ESCO1: variants seen among roughly 807,000 people sequenced by gnomAD.
The protein encoded by ESCO1 is establishment of sister chromatid cohesion N-acetyltransferase 1, also known as N-acetyltransferase ESCO1.
A neutral mutation model predicts 83.5 loss-of-function variants in ESCO1; 33 were observed. That is an observed-to-expected ratio of 0.40 (90% CI 0.30 to 0.53). The LOEUF (loss-of-function observed/expected upper bound fraction) is 0.53. Among genes scored for constraint, ESCO1 ranks in the 20% least tolerant of loss-of-function variants. ESCO1 has a pLI of 0.63. For missense variants in ESCO1, 855 were observed against 968.0 expected (o/e 0.88, Z 1.55); for synonymous variants, 332 against 324.3 (o/e 1.02, Z -0.25).
At chr18:21,544,462 A>T (rs947321173) in intron 8 of ESCO1, among the ~76,000 whole-genome samples, 1 of 148,600 alleles carries the variant, frequency 6.7e-6, no homozygotes, top group Non-Finnish European at 1.5e-5. Context: ...CAAAAAAAAA[A>T]CAAAAAAAAA....
intron 8 of ESCO1, among the ~76,000 whole-genome samples, chr18:21,556,185 T>C (rs2038110387): frequency 6.6e-6 from 1 of 152,100 alleles, no homozygotes; most frequent in Non-Finnish European, 1.5e-5. Context: ...GCCCAGGAGT[T>C]TGAGGCTACA....
chr18:21,573,450 A>G lies in ESCO1; in HGVS notation c.1394T>C (p.Ile465Thr), dbSNP rs1288487369. ...MKEINSEEVK[I>T]NDITVEINKT... ...ATTAATTTCTACTGTAATATCATTAATTTTCACTTCTTCAGAATTAATTTC... is the reference window on the plus strand; with the variant it reads ...ATTAATTTCTACTGTAATATCATTAGTTTTCACTTCTTCAGAATTAATTTC... Residue 465 changes from isoleucine (I) to threonine (T), a missense_variant, in exon 4 of 12, where the codon ATT becomes ACT. Transcript: ENST00000269214. 1.9e-6 allele frequency: 3 copies of G among 1,612,148 alleles called. No individual in the cohort carries two copies. The Admixed American group carries it at 5.0e-5, about 27-fold the overall frequency.
In ESCO1 at chr18:21,530,293, A is replaced by G; in HGVS notation, c.*50T>C. 6.9e-7 allele frequency: 1 copy of G among 1,449,356 alleles called. No individual in the cohort carries two copies. Among genetic ancestry groups the G allele is most frequent in the Non-Finnish European group, 9.1e-7 (1 of 1,095,496 alleles). The allele number at this position is 1,449,356 out of a possible 1,614,324, so 89.8% of individuals were successfully genotyped here. A position where few individuals can be genotyped will look rare whatever the true frequency, so the allele number is the denominator to read the frequency against. ...AGTTCCTGGTTAAAGTCAGCAACCA[A>G]TCCATTCTCTTCAATAGATGTCTTC... On this transcript the variant is annotated 3_prime_UTR_variant, in exon 12 of 12. Coordinates refer to ENST00000269214, the MANE Select transcript of ESCO1 (RefSeq NM_052911.3).
chr18:21,570,745 G>A (rs185156896), intron 4 of ESCO1, among the ~76,000 whole-genome samples: 7 of 151,878 alleles, frequency 4.6e-5, no homozygotes, highest in East Asian at 1.9e-4. Flanking sequence ...TTGGGAGGCC[G>A]AGTTGGGAGG....
chr18:21,536,905 C>A (rs1282680458), intron 9 of ESCO1, among the ~76,000 whole-genome samples: 1 of 152,162 alleles, frequency 6.6e-6, no homozygotes, highest in Non-Finnish European at 1.5e-5. Flanking sequence ...AGAAAAGGAA[C>A]TCATGTTTAC....
At chr18:21,534,862 G>C (rs1488736289) in intron 10 of ESCO1, among the ~76,000 whole-genome samples, 1 of 151,832 alleles carries the variant, frequency 6.6e-6, no homozygotes, top group Admixed American at 6.6e-5. Flanking sequence ...CTGACCTTCT[G>C]ATCTGCCCGC....
chr18:21,588,229 C>A (rs2038610632), intron 1 of ESCO1, among the ~76,000 whole-genome samples: 1 of 151,778 alleles, frequency 6.6e-6, no homozygotes, highest in Non-Finnish European at 1.5e-5. Context: ...TGGAAAAGAT[C>A]AATGACACAA....
intron 8 of ESCO1, among the ~76,000 whole-genome samples, chr18:21,553,305 T>C (rs2038067617): frequency 6.6e-6 from 1 of 151,890 alleles, no homozygotes; most frequent in African/African-American, 2.4e-5. Flanking sequence ...AGAAAAAGTG[T>C]ATAATTAAAA....
At chr18:21,575,481 T>G (rs2038407478) in intron 3 of ESCO1, 51 bp from the exon 4 acceptor site, 2 of 398,214 alleles carry the variant, frequency 5.0e-6, no homozygotes, top group Non-Finnish European at 8.9e-6. Context: ...ATGAAATATG[T>G]CAATGCTAAT....
chr18:21,581,138 C>T (rs1006260475), intron 2 of ESCO1, among the ~76,000 whole-genome samples: 6 of 152,028 alleles, frequency 3.9e-5, no homozygotes, highest in East Asian at 1.9e-4. Context: ...TGGTGAAACC[C>T]GGTATCTACT....
At chr18:21,566,080 G>T in intron 6 of ESCO1, 66 bp downstream of exon 6, 1 of 1,428,634 alleles carries the variant, frequency 7.0e-7, no homozygotes, top group Non-Finnish European at 9.7e-7. Flanking sequence ...TTTTAGGGAA[G>T]AATCCCCTAA....
At chr18:21,554,564 C>T (rs954050690) in intron 8 of ESCO1, among the ~76,000 whole-genome samples, 2 of 152,070 alleles carry the variant, frequency 1.3e-5, no homozygotes, top group African/African-American at 4.8e-5. Flanking sequence ...GTCAGGAGTT[C>T]AAGACCAGCC....
Position 21,574,945 on chromosome 18 carries a change from C to A in ESCO1, c.-102G>T. 1 of 899,110 alleles carries A rather than the reference C, an allele frequency of 1.1e-6. No individual in the cohort carries two copies. Among genetic ancestry groups the A allele is most frequent in the Non-Finnish European group, 1.6e-6 (1 of 619,482 alleles). The allele number at this position is 899,110 out of a possible 1,614,324, so 55.7% of individuals were successfully genotyped here. On this transcript the variant is annotated 5_prime_UTR_variant, in exon 4 of 12. Coordinates refer to ENST00000269214, the MANE Select transcript of ESCO1 (RefSeq NM_052911.3). ...CTAGTATTATTACTGAGGAGCAGGT[C>A]TGAAAAATCAACTTTAACTGATGCT... is the stretch of plus-strand genomic sequence containing the variant.
chr18:21,568,838 G>A (rs1024721885), intron 4 of ESCO1, among the ~76,000 whole-genome samples: 5 of 151,582 alleles, frequency 3.3e-5, no homozygotes, highest in Non-Finnish European at 5.9e-5. Flanking sequence ...GGGAGGCGGA[G>A]GTTGCAGTGA....
intron 8 of ESCO1, among the ~76,000 whole-genome samples, chr18:21,553,967 AAAAT>A (rs2038080803): frequency 6.6e-6 from 1 of 152,012 alleles, no homozygotes; most frequent in African/African-American, 2.4e-5. Context: ...AATTAAAATT[AAAAT>A]AAATAAAATA....
In ESCO1 at chr18:21,547,380, AAG is replaced by A. The variant is rs1388098933; in HGVS notation, c.1954-7373_1954-7372del. Among the ~76,000 whole-genome samples the A allele has an allele frequency of 9.9e-5, 15 of 151,982 alleles. No individual in the cohort carries two copies. The East Asian group carries it at 2.3e-3, about 23-fold the overall frequency. On this transcript the variant is annotated intron_variant, in intron 8 of 11. Coordinates refer to ENST00000269214, the MANE Select transcript of ESCO1 (RefSeq NM_052911.3). ...AAAAAAAAAAAAAACTAAAGAGAAA[AAG>A]AGTTAATTTGCTAGGGTCATACAAC...
At chr18:21,587,637 T>C (rs925403264) in intron 1 of ESCO1, among the ~76,000 whole-genome samples, 1 of 152,162 alleles carries the variant, frequency 6.6e-6, no homozygotes, top group Non-Finnish European at 1.5e-5. Context: ...TAAAAACTTT[T>C]TTAAAAAAGA....
At chr18:21,588,744 C>T (rs936564305) in intron 1 of ESCO1, among the ~76,000 whole-genome samples, 4 of 150,092 alleles carry the variant, frequency 2.7e-5, no homozygotes, top group African/African-American at 9.8e-5. Context: ...TGGCAAAACC[C>T]TATCTCTACA....
intron 10 of ESCO1, among the ~76,000 whole-genome samples, chr18:21,535,370 G>A (rs1463736193): frequency 2.0e-5 from 3 of 146,564 alleles, no homozygotes; most frequent in Non-Finnish European, 3.0e-5. Context: ...GCACACCACC[G>A]CGCCTGGCTA....
Sources: gnomAD v4.1 joint callset for allele counts (sites outside exome capture counted in the v4.1 genomes callset) on GRCh38, gnomAD v4.1.1 for gene constraint, MANE v1.5 for transcripts, NCBI Gene and HGNC (gene_info 2026-07-23, HGNC 2026-07-21) for gene names.